The following CCSER1 variants were observed in gnomAD, a reference collection of about 807,000 sequenced individuals.
CCSER1 encodes the protein coiled-coil serine rich protein 1, also known as serine-rich coiled-coil domain-containing protein 1.
CCSER1 carries 41 observed loss-of-function variants against 82.0 expected under a neutral mutation model. The ratio of observed to expected loss-of-function variants is 0.50; its 90% CI spans 0.39 to 0.65. The LOEUF is 0.65. Ranked by LOEUF, CCSER1 falls within the 30% of genes least tolerant of loss-of-function variation. CCSER1 has a pLI of 0.00. For synonymous variants in CCSER1, 414 were observed against 383.9 expected, an observed-to-expected ratio of 1.08 and a Z score of -0.92; for missense variants, 1,119 against 1,064.2, an observed-to-expected ratio of 1.05 and a Z score of -0.72.
chr4:90,598,767 T>C (rs1783678578), intron 5 of CCSER1, among the ~76,000 whole-genome samples: 2 of 151,982 alleles, frequency 1.3e-5, no homozygotes, highest in South Asian at 4.2e-4. Flanking sequence ...GGCTCAGGTG[T>C]CTACCTCACT....
chr4:90,177,173 T>A (rs1732866524), intron 1 of CCSER1, among the ~76,000 whole-genome samples: 1 of 152,116 alleles, frequency 6.6e-6, no homozygotes, highest in Non-Finnish European at 1.5e-5. Context: ...AGGCATGATG[T>A]GCGCAACTAT....
At chr4:91,266,508 C>T (rs917858659) in intron 10 of CCSER1, among the ~76,000 whole-genome samples, 10 of 152,066 alleles carry the variant, frequency 6.6e-5, no homozygotes, top group African/African-American at 1.9e-4. Context: ...ACCTCGGCCT[C>T]CCAAAGTGCT....
chr4:90,389,987 A>G lies in CCSER1; in HGVS notation c.1510-10049A>G, dbSNP rs149697240. Among the ~76,000 whole-genome samples, 764 of 152,254 alleles carry G rather than the reference A, an allele frequency of 5.0e-3. 7 individuals carry two copies. Among genetic ancestry groups the G allele is most frequent in the African/African-American group, 0.018 (730 of 41,530 alleles). ...GGCATTTTTAGCACCTATTATATGT[A>G]TTGTAAAGAAAATCTGTCATATAAT... is the stretch of plus-strand genomic sequence containing the variant. On this transcript the variant is annotated intron_variant, in intron 3 of 10. Transcript: ENST00000509176.
chr4:90,593,276 C>T (rs1013388028), intron 5 of CCSER1, among the ~76,000 whole-genome samples: 1 of 151,970 alleles, frequency 6.6e-6, no homozygotes, highest in Non-Finnish European at 1.5e-5. Context: ...CTAATGCCAC[C>T]AGTTAAATCA....
chr4:90,712,117 T>TC (rs2149329259), intron 6 of CCSER1, among the ~76,000 whole-genome samples: 1 of 152,122 alleles, frequency 6.6e-6, no homozygotes, highest in African/African-American at 2.4e-5. Flanking sequence ...TTGTTGATTT[T>TC]TTTGAAGTGT....
intron 10 of CCSER1, among the ~76,000 whole-genome samples, chr4:91,372,380 C>T (rs889184554): frequency 2.0e-5 from 3 of 152,046 alleles, no homozygotes; most frequent in African/African-American, 7.2e-5. Flanking sequence ...TCCAGTTACC[C>T]ATATCCTGTG....
At chr4:90,601,824 T>C (rs928068482) in intron 5 of CCSER1, among the ~76,000 whole-genome samples, 3 of 152,136 alleles carry the variant, frequency 2.0e-5, no homozygotes, top group Non-Finnish European at 4.4e-5. Context: ...TGAATTATTT[T>C]ATAATGTTAT....
chr4:90,501,629 G>T (rs1769895984), intron 5 of CCSER1, among the ~76,000 whole-genome samples: 1 of 152,144 alleles, frequency 6.6e-6, no homozygotes. Flanking sequence ...ATTTTTGTAA[G>T]ATGCAAACAT....
intron 10 of CCSER1, among the ~76,000 whole-genome samples, chr4:91,267,455 A>G (rs1741689941): frequency 6.6e-6 from 1 of 152,202 alleles, no homozygotes; most frequent in South Asian, 2.1e-4. Flanking sequence ...ATTGCTTAGT[A>G]TTAACTTATT....
At chr4:90,872,111 A>T (rs917694225) in intron 8 of CCSER1, among the ~76,000 whole-genome samples, 2 of 151,816 alleles carry the variant, frequency 1.3e-5, no homozygotes, top group African/African-American at 2.4e-5. Context: ...TTTAAAAAAA[A>T]ATCCATTCAG....
intron 1 of CCSER1, among the ~76,000 whole-genome samples, chr4:90,298,052 A>C (rs1378665359): frequency 6.6e-6 from 1 of 152,144 alleles, no homozygotes; most frequent in Non-Finnish European, 1.5e-5. Context: ...TGATTGGAAT[A>C]GTTTCAGGAG....
intron 6 of CCSER1, among the ~76,000 whole-genome samples, chr4:90,690,518 T>G (rs1205320267): frequency 6.6e-6 from 1 of 152,148 alleles, no homozygotes; most frequent in Non-Finnish European, 1.5e-5. Context: ...ATTAAAATTC[T>G]GTCTTAGGAA....
chr4:91,557,119 G>A lies in CCSER1; in HGVS notation c.2218-41453G>A, dbSNP rs185900452. ...TTGAAATTCTTTCTTGACTCAGAGT[G>A]TACCACAGAATGTATGGAGTGTACA... On this transcript the variant is annotated intron_variant, in intron 10 of 10. Coordinates refer to ENST00000509176, the MANE Select transcript of CCSER1 (RefSeq NM_001145065.2). 2.6e-3 allele frequency among the ~76,000 whole-genome samples: 390 copies of A among 148,100 alleles called. 8 individuals carry two copies. In the Middle Eastern group the frequency reaches 0.042, roughly 16 times the overall value.
chr4:90,371,460 A>C (rs775011203), intron 3 of CCSER1, among the ~76,000 whole-genome samples: 1 of 152,134 alleles, frequency 6.6e-6, no homozygotes, highest in Non-Finnish European at 1.5e-5. Flanking sequence ...TTGTGAGATA[A>C]CATCATTATT....
chr4:91,258,046 G>A (rs896539945), intron 10 of CCSER1, among the ~76,000 whole-genome samples: 1 of 152,064 alleles, frequency 6.6e-6, no homozygotes. Flanking sequence ...TTTTCAGTGG[G>A]AAGTGAGACT....
At chr4:90,292,494 A>G (rs1355005322) in intron 1 of CCSER1, among the ~76,000 whole-genome samples, 1 of 151,956 alleles carries the variant, frequency 6.6e-6, no homozygotes, top group African/African-American at 2.4e-5. Context: ...AATGAATGTG[A>G]TCATTATATG....
chr4:91,071,284 T>A (rs1454170502), intron 9 of CCSER1, among the ~76,000 whole-genome samples: 1 of 152,098 alleles, frequency 6.6e-6, no homozygotes, highest in Non-Finnish European at 1.5e-5. Flanking sequence ...AATAATAAAT[T>A]TATACAGTGT....
Position 90,422,605 on chromosome 4 carries a change from T to C in CCSER1, c.1603+22476T>C, listed in dbSNP as rs191114648. On this transcript the variant is annotated intron_variant, in intron 4 of 10. Coordinates refer to ENST00000509176, the MANE Select transcript of CCSER1 (RefSeq NM_001145065.2). ...GTGAGTCTCTCTCTCTCTCTCTTTC[T>C]ATAAGATCAATGTCAAGTCATAGAG... is the stretch of plus-strand genomic sequence containing the variant. Among the ~76,000 whole-genome samples, 16 of 151,856 alleles carry C rather than the reference T, an allele frequency of 1.1e-4. No individual in the cohort carries two copies. The East Asian group carries it at 3.1e-3, about 29-fold the overall frequency.
intron 8 of CCSER1, among the ~76,000 whole-genome samples, chr4:90,899,704 T>C (rs1301332480): frequency 6.6e-6 from 1 of 152,080 alleles, no homozygotes; most frequent in Non-Finnish European, 1.5e-5. Context: ...TCTACTGAGA[T>C]AATGATAGGG....
Sources: allele counts gnomAD v4.1 joint callset (sites outside exome capture counted in the v4.1 genomes callset), GRCh38; gene constraint gnomAD v4.1.1; transcripts MANE v1.5; gene names NCBI Gene and HGNC (gene_info 2026-07-23, HGNC 2026-07-21).